Variants in TASP1 observed in about 807,000 individuals in gnomAD.
TASP1 encodes taspase 1, also known as threonine aspartase 1.
A neutral mutation model predicts 56.6 loss-of-function variants in TASP1; 16 were observed. The observed-to-expected ratio is 0.28, with a 90% CI of 0.19 to 0.43. The LOEUF (loss-of-function observed/expected upper bound fraction) is 0.43, where lower values mean the gene tolerates loss of function less well. Ranked by LOEUF, TASP1 falls within the 20% of genes least tolerant of loss-of-function variation. The pLI is 1.00. For missense variants in TASP1, 393 were observed against 511.6 expected, an observed-to-expected ratio of 0.77 and a Z score of 2.24; for synonymous variants, 179 against 184.2, an observed-to-expected ratio of 0.97 and a Z score of 0.23.
intron 10 of TASP1, among the ~76,000 whole-genome samples, chr20:13,511,490 A>C (rs923365879): frequency 1.3e-4 from 20 of 152,174 alleles, no homozygotes; most frequent in African/African-American, 4.6e-4. Flanking sequence ...TAATCACTAC[A>C]GTAAGGGAAA....
At chr20:13,218,788 T>G in the TASP1 span, among the ~76,000 whole-genome samples, 1 of 152,198 alleles carries the variant, frequency 6.6e-6, no homozygotes, top group Non-Finnish European at 1.5e-5. Context: ...GCGTGGGTGT[T>G]TATCAATACT....
At chr20:13,483,408 G>C in intron 10 of TASP1, 71 bp from the exon 11 acceptor site, 2 of 1,025,808 alleles carry the variant, frequency 1.9e-6, no homozygotes, top group Non-Finnish European at 2.8e-6. Flanking sequence ...AATAGCATTA[G>C]AACACCCTTA....
At chr20:13,127,504 A>T in the TASP1 span, among the ~76,000 whole-genome samples, 1 of 152,236 alleles carries the variant, frequency 6.6e-6, no homozygotes, top group South Asian at 2.1e-4. Flanking sequence ...GTTTAATGCA[A>T]TGCTTCAAGC....
the TASP1 span, among the ~76,000 whole-genome samples, chr20:13,211,619 T>C: frequency 6.6e-6 from 1 of 152,158 alleles, no homozygotes; most frequent in Admixed American, 6.5e-5. Context: ...TGTTTTAGAA[T>C]AGTTACTTTT....
At chr20:13,562,009 G>C (rs2046358828) in intron 7 of TASP1, among the ~76,000 whole-genome samples, 1 of 151,962 alleles carries the variant, frequency 6.6e-6, no homozygotes, top group African/African-American at 2.4e-5. Context: ...AGTTCACTTG[G>C]GACATTTTTC....
At chr20:13,433,531 A>AAAAAAAAAAAAAC in intron 12 of TASP1, among the ~76,000 whole-genome samples, 2 of 151,476 alleles carry the variant, frequency 1.3e-5, no homozygotes, top group African/African-American at 4.9e-5. Context: ...AAAAAAAAAA[A>AAAAAAAAAAAAAC]AAAAAAAAAA....
the TASP1 span, among the ~76,000 whole-genome samples, chr20:13,193,473 T>C: frequency 6.6e-6 from 1 of 152,168 alleles, no homozygotes; most frequent in Non-Finnish European, 1.5e-5. Context: ...GCTACGTCCA[T>C]CAAAACATAC....
At chr20:13,546,427 A>C (rs1435938917) in intron 8 of TASP1, among the ~76,000 whole-genome samples, 1 of 152,204 alleles carries the variant, frequency 6.6e-6, no homozygotes, top group African/African-American at 2.4e-5. Flanking sequence ...AATGCTTACA[A>C]AATAAAAATG....
At chr20:13,305,416 A>G in the TASP1 span, among the ~76,000 whole-genome samples, 2 of 152,310 alleles carry the variant, frequency 1.3e-5, no homozygotes, top group East Asian at 1.9e-4. Flanking sequence ...GTGAGTGTCA[A>G]TTCCATCCCG....
the TASP1 span, among the ~76,000 whole-genome samples, chr20:13,170,571 T>C: frequency 6.6e-6 from 1 of 152,288 alleles, no homozygotes; most frequent in South Asian, 2.1e-4. Flanking sequence ...AAGTTCAGAA[T>C]AGGAGCAAAA....
chr20:13,418,067 T>C (rs1450995135), intron 12 of TASP1, among the ~76,000 whole-genome samples: 6 of 152,118 alleles, frequency 3.9e-5, no homozygotes. Context: ...CATGCACCAC[T>C]ACACCCAGCT....
At chr20:13,575,554 C>T (rs915187914) in intron 6 of TASP1, among the ~76,000 whole-genome samples, 1 of 152,132 alleles carries the variant, frequency 6.6e-6, no homozygotes, top group South Asian at 2.1e-4. Flanking sequence ...TGTGAGGCTT[C>T]GCCAGCCATG....
the TASP1 span, among the ~76,000 whole-genome samples, chr20:13,223,833 T>G: frequency 2.0e-5 from 3 of 152,338 alleles, no homozygotes; most frequent in Non-Finnish European, 2.9e-5. Context: ...CATGATGCTT[T>G]CTTTCCTCAT....
intron 10 of TASP1, among the ~76,000 whole-genome samples, chr20:13,500,636 A>G (rs965737953): frequency 6.6e-6 from 1 of 152,060 alleles, no homozygotes; most frequent in African/African-American, 2.4e-5. Flanking sequence ...GTGAAAATGC[A>G]TTCAGTGGGC....
chr20:13,581,090 TTC>T, intron 5 of TASP1, 109 bp from the exon 6 acceptor site: 1 of 960,770 alleles, frequency 1.0e-6, no homozygotes, highest in South Asian at 1.7e-5. Context: ...ATCTTGGAAA[TTC>T]TTTTTCGATA....
Position 13,534,054 on chromosome 20 carries a change from A to C in TASP1, c.763T>G (p.Leu255Val). ...NVAAAVSSGG[L>V]ALKHPGRVGQ... The stretch of plus-strand genomic sequence containing the variant: ...ACTCTCCCCGGATGTTTCAAGGCCA[A>C]GCCTCCACTGGAGACAGCAGCAGCA... The change falls in exon 9 of 14, where the codon TTG becomes GTG. Residue 255 changes from leucine (L) to valine (V), a missense_variant. This residue lies in a region of TASP1 where 293 missense variants were observed against 354.2 expected (regional missense o/e 0.83). Coordinates refer to ENST00000337743, the MANE Select transcript of TASP1 (RefSeq NM_017714.3). The C allele has an allele frequency of 1.2e-6, 2 of 1,613,570 alleles. No homozygotes were observed. The highest frequency in any genetic ancestry group is 1.7e-6 in the Non-Finnish European group (2 of 1,179,648).
At chr20:13,143,548 T>C in the TASP1 span, among the ~76,000 whole-genome samples, 5 of 152,134 alleles carry the variant, frequency 3.3e-5, no homozygotes, top group Admixed American at 2.0e-4. Flanking sequence ...ACCCAGCAAA[T>C]TGGCTTCATA....
At chr20:13,576,803 T>C (rs1167572394) in intron 6 of TASP1, among the ~76,000 whole-genome samples, 3 of 152,186 alleles carry the variant, frequency 2.0e-5, no homozygotes, top group Non-Finnish European at 4.4e-5. Context: ...GAAAACCAGC[T>C]AGTTCCAGAC....
At chr20:13,510,317 C>G (rs2044282804) in intron 10 of TASP1, among the ~76,000 whole-genome samples, 1 of 152,078 alleles carries the variant, frequency 6.6e-6, no homozygotes, top group Non-Finnish European at 1.5e-5. Context: ...AAAACAAATT[C>G]AAACACAACT....
Sources: gnomAD v4.1 joint callset for allele counts (sites outside exome capture counted in the v4.1 genomes callset) on GRCh38, gnomAD v4.1.1 for gene constraint, gnomAD v4.1.1 regional missense constraint, MANE v1.5 for transcripts, NCBI Gene and HGNC (gene_info 2026-07-23, HGNC 2026-07-21) for gene names.